The following PARP12 variants were observed in gnomAD, a reference collection of about 807,000 sequenced individuals.
PARP12 encodes the protein poly(ADP-ribose) polymerase family member 12, also known as protein mono-ADP-ribosyltransferase PARP12.
Under a neutral mutation model 72.4 loss-of-function variants are expected in PARP12, and 59 were observed. That is an observed-to-expected ratio of 0.81 (90% CI 0.66 to 1.01). PARP12 has a LOEUF of 1.01. Ranked by LOEUF, PARP12 falls within the 50% of genes least tolerant of loss-of-function variation. The pLI is 0.00. For missense variants in PARP12, 851 were observed against 914.0 expected (o/e 0.93, Z 0.89); for synonymous variants, 403 against 371.4 (o/e 1.09, Z -0.98).
Position 140,035,514 on chromosome 7 carries a change from A to T in PARP12, c.1325-1183T>A, listed in dbSNP as rs533419816. Among the ~76,000 whole-genome samples the T allele has an allele frequency of 6.6e-5, 10 of 152,330 alleles. No individual in the cohort carries two copies. In the South Asian group the frequency reaches 2.1e-3, roughly 32 times the overall value. ...CCTTCCAGAGGATACCCTAGGCTACAGCCTGTCTTTGGGGAATTCTGCCCC... is the reference window on the plus strand; with the variant it reads ...CCTTCCAGAGGATACCCTAGGCTACTGCCTGTCTTTGGGGAATTCTGCCCC... On this transcript the variant is annotated intron_variant, in intron 7 of 11. Transcript: ENST00000263549.
At chr7:140,047,319 G>A (rs543876968) in intron 4 of PARP12, among the ~76,000 whole-genome samples, 3 of 152,300 alleles carry the variant, frequency 2.0e-5, no homozygotes, top group Admixed American at 6.5e-5. Flanking sequence ...ATGGATTAAT[G>A]GGTGTATGGG....
At chr7:140,027,246 C>T in intron 10 of PARP12, 30 bp downstream of exon 10, 3 of 1,606,600 alleles carry the variant, frequency 1.9e-6, no homozygotes, top group Non-Finnish European at 2.6e-6. Flanking sequence ...GACAGAGTCA[C>T]CAGCCCACCA....
chr7:140,047,139 T>C, intron 4 of PARP12, 132 bp from the exon 5 acceptor site: 1 of 1,027,398 alleles, frequency 9.7e-7, no homozygotes, highest in South Asian at 1.8e-5. Context: ...GTCTGTTTTT[T>C]CAGTGCCGGC....
At chr7:140,041,876 C>T in intron 5 of PARP12, 37 bp from the exon 6 acceptor site, 1 of 1,542,396 alleles carries the variant, frequency 6.5e-7, no homozygotes, top group Non-Finnish European at 8.9e-7. Flanking sequence ...GAAAATCCCA[C>T]CAGCCAAGCA....
At chr7:140,059,267 G>A (rs1420660129) in intron 1 of PARP12, among the ~76,000 whole-genome samples, 1 of 152,152 alleles carries the variant, frequency 6.6e-6, no homozygotes, top group Non-Finnish European at 1.5e-5. Flanking sequence ...TTGCTGCACA[G>A]CAGTCAGTCG....
chr7:140,029,260 T>G (rs1179668876), intron 8 of PARP12: 1 of 152,296 alleles, frequency 6.6e-6, no homozygotes, highest in Non-Finnish European at 1.5e-5. Context: ...GAAATATTAA[T>G]GTGCTAAAAT....
intron 11 of PARP12, chr7:140,025,373 C>G (rs1815694236): frequency 6.7e-6 from 2 of 299,746 alleles, no homozygotes; most frequent in African/African-American, 2.2e-5. Context: ...ACATTTAAAT[C>G]CACAAGTCTA....
At chr7:140,048,373 C>T (rs558022869) in intron 4 of PARP12, among the ~76,000 whole-genome samples, 48 of 152,210 alleles carry the variant, frequency 3.2e-4, no homozygotes, top group Middle Eastern at 3.4e-3. Flanking sequence ...CTGCCACCAC[C>T]GGGAACGCCA....
chr7:140,039,964 C>T (rs1381317590), intron 6 of PARP12, among the ~76,000 whole-genome samples: 1 of 152,200 alleles, frequency 6.6e-6, no homozygotes, highest in Non-Finnish European at 1.5e-5. Flanking sequence ...CAGGTGTTGG[C>T]TGACTGGAGG....
chr7:140,045,824 C>G (rs1816693904), intron 5 of PARP12, among the ~76,000 whole-genome samples: 1 of 152,234 alleles, frequency 6.6e-6, no homozygotes, highest in South Asian at 2.1e-4. Flanking sequence ...TGTGCTTCCT[C>G]TGCCGGGAAG....
In PARP12 at chr7:140,058,029, T is replaced by A; in HGVS notation, c.332A>T (p.Asn111Ile). The stretch of plus-strand genomic sequence containing the variant: ...TGTCAAGCTGTGACTATTCCTACAG[T>A]TCTTCCTGCAAAGAAGCAGAGCTGG... ...GACKFLRAGK[N>I]CRNSHSLTTE... Residue 111 changes from asparagine (N) to isoleucine (I), a missense_variant, in exon 2 of 12, where the codon AAC (asparagine) becomes ATC (isoleucine). By Grantham distance (149) the Asn-to-Ile change is moderately radical (BLOSUM62 -3). Transcript: ENST00000263549. 6.2e-7 allele frequency: 1 copy of A among 1,614,226 alleles called. No individual in the cohort carries two copies.
intron 2 of PARP12, chr7:140,057,503 CAA>C: frequency 5.5e-6 from 2 of 364,318 alleles, no homozygotes; most frequent in Non-Finnish European, 9.9e-6. Flanking sequence ...ACTGACTCAT[CAA>C]CTCTCCCTTC....
At chr7:140,028,558 C>T (rs1278826615) in intron 9 of PARP12, 55 bp downstream of exon 9, 5 of 1,442,134 alleles carry the variant, frequency 3.5e-6, no homozygotes, top group Non-Finnish European at 4.7e-6. Context: ...TGTTCACACA[C>T]ACCCACTTCT....
At chr7:140,038,942 G>A (rs933429815) in intron 6 of PARP12, among the ~76,000 whole-genome samples, 2 of 152,174 alleles carry the variant, frequency 1.3e-5, no homozygotes, top group Admixed American at 6.5e-5. Flanking sequence ...TGCTCTAGAC[G>A]CTGAGATGGG....
Position 140,033,506 on chromosome 7 carries a change from C to G in PARP12, c.1421+729G>C, listed in dbSNP as rs971722463. ...CCAAACTGTATGGGCACTGTGGTCC[C>G]TCTCCACCATGCAGGCCACCTTCCC... On this transcript the variant is annotated intron_variant, in intron 8 of 11. Transcript: ENST00000263549. The G allele has an allele frequency of 4.1e-6, 4 of 985,352 alleles. No homozygotes were observed. The African/African-American group carries it at 5.2e-5, about 13-fold the overall frequency. 61.0% of individuals were successfully genotyped at this position (985,352 alleles called of 1,614,324 possible). A position where few individuals can be genotyped will look rare whatever the true frequency, so the allele number is the denominator to read the frequency against.
intron 5 of PARP12, among the ~76,000 whole-genome samples, chr7:140,043,550 CAG>C (rs1392403284): frequency 6.6e-6 from 1 of 151,834 alleles, no homozygotes; most frequent in African/African-American, 2.4e-5. Context: ...TTTTTTGAGA[CAG>C]AGTCTCACCC....
At chr7:140,027,471 C>G (rs1205981781) in intron 9 of PARP12, 65 bp from the exon 10 acceptor site, 1 of 1,581,512 alleles carries the variant, frequency 6.3e-7, no homozygotes, top group Non-Finnish European at 8.6e-7. Context: ...AGTCCCTTCC[C>G]AAAGCTTCTT....
intron 8 of PARP12, chr7:140,034,004 T>G: frequency 8.7e-7 from 1 of 1,144,208 alleles, no homozygotes; most frequent in Non-Finnish European, 1.1e-6. Context: ...CAGAGAATCA[T>G]CGCAGATCAC....
Position 140,062,913 on chromosome 7 carries a change from G to T in PARP12, c.-66C>A, listed in dbSNP as rs963632649. On this transcript the variant is annotated 5_prime_UTR_variant, in exon 1 of 12. Coordinates refer to ENST00000263549, the MANE Select transcript of PARP12 (RefSeq NM_022750.4). ...CGCGGACGGCGGCGGACGCTGGCTG[G>T]CGGGCGGCTCTCGCAGGGTGGAGAC... is the stretch of plus-strand genomic sequence containing the variant. 2.5e-6 allele frequency: 3 copies of T among 1,200,014 alleles called. No individual in the cohort carries two copies. The African/African-American group carries it at 4.8e-5, about 19-fold the overall frequency. 74.3% of individuals were successfully genotyped at this position (1,200,014 alleles called of 1,614,324 possible).
Sources: allele counts gnomAD v4.1 joint callset (sites outside exome capture counted in the v4.1 genomes callset), GRCh38; gene constraint gnomAD v4.1.1; transcripts MANE v1.5; gene names NCBI Gene and HGNC (gene_info 2026-07-23, HGNC 2026-07-21).